PALM2AKAP2: variants seen among roughly 807,000 people sequenced by gnomAD.
The protein encoded by PALM2AKAP2 is PALM2-AKAP2 fusion protein.
In PALM2AKAP2, 37 loss-of-function variants were observed where a neutral mutation model predicts 71.5. The ratio of observed to expected loss-of-function variants is 0.52; its 90% CI spans 0.40 to 0.68. The LOEUF is 0.68. Ranked by LOEUF, PALM2AKAP2 falls within the 30% of genes least tolerant of loss-of-function variation. The probability of loss-of-function intolerance (pLI) is 0.00; values close to 1 mark genes in which losing one functional copy is unlikely to be tolerated. For synonymous variants in PALM2AKAP2, 468 were observed against 478.8 expected, an observed-to-expected ratio of 0.98 and a Z score of 0.29; for missense variants, 1,224 against 1,191.8, an observed-to-expected ratio of 1.03 and a Z score of -0.40.
intron 1 of PALM2AKAP2, among the ~76,000 whole-genome samples, chr9:109,807,110 T>A (rs552754943): frequency 1.1e-3 from 163 of 148,854 alleles, no homozygotes; most frequent in African/African-American, 4.0e-3. Context: ...GTTCAGGGGA[T>A]TTTTCTCATC....
chr9:109,710,121 A>G (rs1184037263), intron 1 of PALM2AKAP2, among the ~76,000 whole-genome samples: 1 of 152,218 alleles, frequency 6.6e-6, no homozygotes, highest in Non-Finnish European at 1.5e-5. Flanking sequence ...AAGCTAGGAG[A>G]AAGGCAGGGA....
At chr9:109,652,828 G>A (rs771057462) in intron 1 of PALM2AKAP2, among the ~76,000 whole-genome samples, 45 of 152,152 alleles carry the variant, frequency 3.0e-4, no homozygotes, top group Admixed American at 2.6e-4. Context: ...ATAAAACATG[G>A]CAAGTGTTTA....
At chr9:110,125,418 A>G (rs1835578702) in intron 1 of PALM2AKAP2, 4 of 859,758 alleles carry the variant, frequency 4.7e-6, no homozygotes, top group Non-Finnish European at 5.6e-6. Context: ...AGGAGGTTAA[A>G]GTCCTTCTTT....
chr9:110,136,209 C>T (rs767257808), exon 2 of PALM2AKAP2: 4 of 1,613,958 alleles, frequency 2.5e-6, no homozygotes, highest in Non-Finnish European at 3.4e-6. Context: ...GAGCCTGCTG[C>T]CAGCTCTCTT....
intron 1 of PALM2AKAP2, among the ~76,000 whole-genome samples, chr9:110,129,700 G>A (rs540566458): frequency 6.6e-6 from 1 of 152,190 alleles, no homozygotes; most frequent in South Asian, 2.1e-4. Context: ...TGTCAGGGCT[G>A]TCTCATTCAC....
At chr9:109,679,475 G>T (rs915473206) in intron 1 of PALM2AKAP2, among the ~76,000 whole-genome samples, 20 of 152,176 alleles carry the variant, frequency 1.3e-4, no homozygotes, top group African/African-American at 4.8e-4. Context: ...GTATACCTTA[G>T]ATCCCAATCA....
intron 6 of PALM2AKAP2, among the ~76,000 whole-genome samples, chr9:110,010,422 G>C (rs1344660830): frequency 2.0e-5 from 3 of 148,362 alleles, no homozygotes; most frequent in Non-Finnish European, 4.5e-5. Context: ...TCTATATATA[G>C]AGATAGAATA....
chr9:109,870,517 G>T (rs1402511727), intron 2 of PALM2AKAP2, among the ~76,000 whole-genome samples: 2 of 152,102 alleles, frequency 1.3e-5, no homozygotes, highest in Admixed American at 6.6e-5. Flanking sequence ...CACGTGCCTG[G>T]TACTTTAAAC....
At chr9:109,746,512 C>G (rs768735639) in intron 1 of PALM2AKAP2, among the ~76,000 whole-genome samples, 14 of 152,142 alleles carry the variant, frequency 9.2e-5, no homozygotes, top group Non-Finnish European at 5.9e-5. Context: ...TTGATTCAAT[C>G]TTAGGGTCAG....
chr9:110,123,926 T>C (rs1835543064), intron 1 of PALM2AKAP2, among the ~76,000 whole-genome samples: 1 of 152,214 alleles, frequency 6.6e-6, no homozygotes, highest in Non-Finnish European at 1.5e-5. Flanking sequence ...GATGACTAAG[T>C]AGCATCTTGA....
At chr9:109,768,778 C>T (rs1254572691) in intron 1 of PALM2AKAP2, among the ~76,000 whole-genome samples, 1 of 152,124 alleles carries the variant, frequency 6.6e-6, no homozygotes, top group Non-Finnish European at 1.5e-5. Flanking sequence ...ATGTAAAGCA[C>T]TTTGAATGAA....
At chr9:109,839,164 G>T (rs938694716) in intron 1 of PALM2AKAP2, among the ~76,000 whole-genome samples, 1 of 152,186 alleles carries the variant, frequency 6.6e-6, no homozygotes, top group African/African-American at 2.4e-5. Context: ...GAATCCAGCA[G>T]CATATCAAAA....
At chr9:109,947,632 G>GT (rs1662755733) in intron 6 of PALM2AKAP2, among the ~76,000 whole-genome samples, 1 of 152,086 alleles carries the variant, frequency 6.6e-6, no homozygotes, top group Non-Finnish European at 1.5e-5. Context: ...TAAGCATCGA[G>GT]GACTTTTTCT....
At chr9:109,796,677 C>T (rs556192540) in intron 1 of PALM2AKAP2, among the ~76,000 whole-genome samples, 3 of 152,256 alleles carry the variant, frequency 2.0e-5, no homozygotes, top group South Asian at 2.1e-4. Flanking sequence ...GCACATCTTA[C>T]GTGGCAACAG....
At chr9:110,116,292 T>C (rs1436952030) in intron 1 of PALM2AKAP2, among the ~76,000 whole-genome samples, 3 of 152,148 alleles carry the variant, frequency 2.0e-5, no homozygotes, top group Admixed American at 2.0e-4. Context: ...AAAATATTAT[T>C]TTTAAAACTA....
chr9:109,925,489 A>G (rs1412896594), intron 5 of PALM2AKAP2, among the ~76,000 whole-genome samples: 1 of 151,954 alleles, frequency 6.6e-6, no homozygotes, highest in African/African-American at 2.4e-5. Context: ...AATTTGGGGA[A>G]AATATTTGGT....
At chr9:109,907,868 G>A (rs367832288) in intron 3 of PALM2AKAP2, among the ~76,000 whole-genome samples, 1 of 152,292 alleles carries the variant, frequency 6.6e-6, no homozygotes, top group East Asian at 1.9e-4. Flanking sequence ...AAGCCTCCCA[G>A]CCACTGCCAT....
At chr9:109,751,244 G>GA (rs530988797) in intron 1 of PALM2AKAP2, among the ~76,000 whole-genome samples, 16 of 152,100 alleles carry the variant, frequency 1.1e-4, no homozygotes, top group South Asian at 1.0e-3. Context: ...ATCCATAAGG[G>GA]AAAAAACCCC....
At chr9:110,110,434 G>A (rs1835220312) in intron 1 of PALM2AKAP2, among the ~76,000 whole-genome samples, 1 of 152,038 alleles carries the variant, frequency 6.6e-6, no homozygotes, top group African/African-American at 2.4e-5. Context: ...TAGGGTGGCT[G>A]GGGGTCAGAT....
Sources: allele counts gnomAD v4.1 joint callset (sites outside exome capture counted in the v4.1 genomes callset), GRCh38; gene constraint gnomAD v4.1.1; transcripts MANE v1.5; gene names NCBI Gene and HGNC (gene_info 2026-07-23, HGNC 2026-07-21).